The following TTBK2 variants were observed in gnomAD, a reference collection of about 807,000 sequenced individuals.
The protein encoded by TTBK2 is tau-tubulin kinase 2.
In TTBK2, 28 loss-of-function variants were observed where a neutral mutation model predicts 110.8. The observed-to-expected ratio is 0.25, with a 90% confidence interval of 0.19 to 0.35. The LOEUF (loss-of-function observed/expected upper bound fraction) is 0.35. Among genes scored for constraint, TTBK2 ranks in the 10% least tolerant of loss-of-function variants. The pLI is 1.00. For synonymous variants in TTBK2, 532 were observed against 527.3 expected (o/e 1.01, Z -0.12); for missense variants, 1,369 against 1,500.3 (o/e 0.91, Z 1.45).
chr15:42,759,657 C>G lies in TTBK2; in HGVS notation c.1999-6410G>C, dbSNP rs373886199. On this transcript the variant is annotated intron_variant, in intron 13 of 14. Coordinates refer to ENST00000267890, the MANE Select transcript of TTBK2 (RefSeq NM_173500.4). ...GCCACAGAGACACTTGCAAACATCA[C>G]CAGCATGGGTTACAGCTGAAGAAAT... Among the ~76,000 whole-genome samples, 33 of 152,288 alleles carry G rather than the reference C, an allele frequency of 2.2e-4. No homozygotes were observed. In the South Asian group the frequency reaches 6.0e-3, roughly 28 times the overall value.
At chr15:42,910,973 G>A (rs1289297495) in intron 1 of TTBK2, among the ~76,000 whole-genome samples, 1 of 151,898 alleles carries the variant, frequency 6.6e-6, no homozygotes, top group Non-Finnish European at 1.5e-5. Flanking sequence ...GAACCCAGGA[G>A]GCGGAGGATG....
At chr15:42,833,559 T>G (rs528746753) in intron 4 of TTBK2, among the ~76,000 whole-genome samples, 2 of 152,156 alleles carry the variant, frequency 1.3e-5, no homozygotes, top group Non-Finnish European at 2.9e-5. Context: ...ATTCTAACCA[T>G]ATAATTTCAT....
chr15:42,913,736 T>C (rs996819217), intron 1 of TTBK2, among the ~76,000 whole-genome samples: 28 of 152,290 alleles, frequency 1.8e-4, no homozygotes, highest in Admixed American at 1.7e-3. Flanking sequence ...CTGGCTACCA[T>C]ACTAGCAACA....
chr15:42,899,124 C>G (rs1895781473), intron 1 of TTBK2, among the ~76,000 whole-genome samples: 2 of 152,034 alleles, frequency 1.3e-5, no homozygotes, highest in African/African-American at 4.8e-5. Flanking sequence ...TCCTGAGAAG[C>G]TGCAACCACA....
rs144495161 is a variant in TTBK2 at position 42,781,194 on chromosome 15, G to GA, written c.1197+2224dup. On this transcript the variant is annotated intron_variant, in intron 11 of 14. Transcript: ENST00000267890. ...TCTGACAAAATAGGCTTTAATGCTA[G>GA]AAAAAAAAAATAGTAGGAACAGAAT... is the stretch of plus-strand genomic sequence containing the variant. 4.8e-3 allele frequency among the ~76,000 whole-genome samples: 697 copies of GA among 145,114 alleles called. 1 individual carries two copies. Among genetic ancestry groups the GA allele is most frequent in the African/African-American group, 0.016 (648 of 39,616 alleles).
chr15:42,769,893 C>T (rs1889583465), intron 13 of TTBK2, among the ~76,000 whole-genome samples: 1 of 152,100 alleles, frequency 6.6e-6, no homozygotes, highest in Non-Finnish European at 1.5e-5. Context: ...GAAAATGTGG[C>T]ACATATACAC....
chr15:42,752,379 A>G lies in TTBK2; in HGVS notation c.2867T>C (p.Leu956Ser). 1 of 1,614,236 alleles carries G rather than the reference A, an allele frequency of 6.2e-7. No homozygotes were observed. The highest frequency in any genetic ancestry group is 8.5e-7 in the Non-Finnish European group (1 of 1,180,050). The stretch of plus-strand genomic sequence containing the variant: ...TGCAGAAACTGGAGAGGATGATTCC[A>G]AAGTTGAGTCTATCTCTTGTGCTAA... The part of the protein sequence containing the change: ...PVLAQEIDST[L>S]ESSSPVSAKE... The change falls in exon 14 of 15, where the codon TTG becomes TCG. Residue 956 changes from leucine (L) to serine (S), a missense_variant. Leu to Ser is a moderately radical substitution (Grantham distance 145). Transcript: ENST00000267890.
At chr15:42,782,818 G>A (rs938776479) in intron 11 of TTBK2, among the ~76,000 whole-genome samples, 26 of 152,164 alleles carry the variant, frequency 1.7e-4, no homozygotes, top group Non-Finnish European at 3.4e-4. Context: ...CATGTCAAGC[G>A]CCACTTCATT....
rs776506980 is a variant in TTBK2, at chr15:42,745,872, C to T, written c.3658G>A (p.Gly1220Ser). 6.2e-6 allele frequency: 10 copies of T among 1,614,076 alleles called. No homozygotes were observed. The highest frequency in any genetic ancestry group is 1.1e-5 in the South Asian group (1 of 91,082). The stretch of plus-strand genomic sequence containing the variant: ...CTGGCTGAGTGGTGGTGGAGGCTGC[C>T]GGATCCTTTCAGGCCATTCTTGCTG... ...KPSKNGLKGSGSLHHHSASTK... is the reference protein window; with the variant it reads ...KPSKNGLKGSSSLHHHSASTK... Residue 1220 changes from glycine to serine, a missense_variant, in exon 15 of 15, where the codon GGC becomes AGC. Coordinates refer to ENST00000267890, the MANE Select transcript of TTBK2 (RefSeq NM_173500.4).
At chr15:42,812,637 A>C (rs1468169312) in intron 7 of TTBK2, among the ~76,000 whole-genome samples, 1 of 152,174 alleles carries the variant, frequency 6.6e-6, no homozygotes. Context: ...AGCTAATGTC[A>C]AAAGAAGCTA....
chr15:42,771,175 A>G (rs1224129787), intron 13 of TTBK2, among the ~76,000 whole-genome samples: 1 of 151,816 alleles, frequency 6.6e-6, no homozygotes, highest in African/African-American at 2.4e-5. Context: ...GGGTTTCACT[A>G]TCTTGGCCAG....
At chr15:42,892,312 A>T (rs1230802116) in intron 1 of TTBK2, among the ~76,000 whole-genome samples, 1 of 152,196 alleles carries the variant, frequency 6.6e-6, no homozygotes, top group Non-Finnish European at 1.5e-5. Flanking sequence ...ATTCATTTAT[A>T]TGTTGTGTAT....
chr15:42,856,804 G>C (rs1300511689), intron 3 of TTBK2, among the ~76,000 whole-genome samples: 1 of 152,192 alleles, frequency 6.6e-6, no homozygotes, highest in Non-Finnish European at 1.5e-5. Flanking sequence ...GCTCACACCT[G>C]TGATCCCAAC....
At chr15:42,830,454 C>T (rs1315650660) in intron 4 of TTBK2, among the ~76,000 whole-genome samples, 1 of 152,092 alleles carries the variant, frequency 6.6e-6, no homozygotes, top group Non-Finnish European at 1.5e-5. Flanking sequence ...TCCCAAAGTG[C>T]TGGGATTACA....
In TTBK2 at chr15:42,775,577, G is replaced by A. The variant is rs1889876948; in HGVS notation, c.1556C>T (p.Ala519Val). Residue 519 changes from alanine (A) to valine (V), a missense_variant, in exon 13 of 15, where the codon GCT becomes GTT. Around this residue, in one of 4 missense-constraint regions of TTBK2, gnomAD observed 1,097 missense variants for 1,114.7 expected, o/e 0.98. Coordinates refer to ENST00000267890, the MANE Select transcript of TTBK2 (RefSeq NM_173500.4). ...EEYLPDASKP[A>V]SANTPEQADG... ...TGCCTGCTCAGGGGTGTTGGCAGAA[G>A]CAGGCTTGGAGGCATCTGGAAGATA... is the stretch of plus-strand genomic sequence containing the variant. 6.2e-7 allele frequency: 1 copy of A among 1,614,070 alleles called. No individual in the cohort carries two copies. Among genetic ancestry groups the A allele is most frequent in the Non-Finnish European group, 8.5e-7 (1 of 1,180,038 alleles).
At chr15:42,814,115 A>G (rs540655878) in intron 7 of TTBK2, among the ~76,000 whole-genome samples, 2 of 151,950 alleles carry the variant, frequency 1.3e-5, no homozygotes, top group East Asian at 3.9e-4. Flanking sequence ...TCCGCCTCCC[A>G]GGTTCCAGCA....
chr15:42,920,752 TC>T lies in TTBK2; in HGVS notation c.-383del. ...GCCGCCGCCGCCTCGTCCCCACCGC[TC>T]CCATCGCCGCTGCGGCGACTACTGC... is the stretch of plus-strand genomic sequence containing the variant. On this transcript the variant is annotated 5_prime_UTR_variant, in exon 1 of 15. An upstream open reading frame in the 5' UTR loses its in-frame stop. Coordinates refer to ENST00000267890, the MANE Select transcript of TTBK2 (RefSeq NM_173500.4). 6.5e-6 allele frequency: 1 copy of T among 153,464 alleles called. No homozygotes were observed. Among genetic ancestry groups the T allele is most frequent in the Non-Finnish European group, 1.5e-5 (1 of 68,878 alleles). 9.5% of individuals were successfully genotyped at this position (153,464 alleles called of 1,614,324 possible).
intron 3 of TTBK2, among the ~76,000 whole-genome samples, chr15:42,854,494 G>A (rs79409111): frequency 0.064 from 9,780 of 152,120 alleles, 858 homozygotes; most frequent in African/African-American, 0.19. Context: ...CTGTCATAAC[G>A]TTGGTGAGGA....
intron 3 of TTBK2, among the ~76,000 whole-genome samples, chr15:42,845,970 T>C (rs1386186831): frequency 1.3e-5 from 2 of 152,144 alleles, no homozygotes; most frequent in Admixed American, 1.3e-4. Flanking sequence ...ACTAAAAACA[T>C]AGTATTATAA....
Sources: gnomAD v4.1 joint callset for allele counts (sites outside exome capture counted in the v4.1 genomes callset) on GRCh38, gnomAD v4.1.1 for gene constraint, gnomAD v4.1.1 regional missense constraint, MANE v1.5 for transcripts, NCBI Gene and HGNC (gene_info 2026-07-23, HGNC 2026-07-21) for gene names.